RAB11FIP5: variants seen among roughly 807,000 people sequenced by gnomAD.
RAB11FIP5 encodes the protein RAB11 family interacting protein 5.
A neutral mutation model predicts 85.1 loss-of-function variants in RAB11FIP5; 48 were observed. The ratio of observed to expected loss-of-function variants is 0.56; its 90% CI spans 0.45 to 0.72. RAB11FIP5 has a LOEUF of 0.72. RAB11FIP5 is among the 30% of genes least tolerant of loss of function. The pLI is 0.00. For missense variants in RAB11FIP5, 1,491 were observed against 1,687.0 expected, an observed-to-expected ratio of 0.88 and a Z score of 2.04; for synonymous variants, 729 against 727.3, an observed-to-expected ratio of 1.00 and a Z score of -0.04.
Position 73,081,449 on chromosome 2 carries a change from G to C in RAB11FIP5, c.1783C>G (p.Leu595Val). The C allele has an allele frequency of 2.4e-6, 3 of 1,233,404 alleles. No individual in the cohort carries two copies. The highest frequency in any genetic ancestry group is 3.0e-6 in the Non-Finnish European group (3 of 988,670). 76.4% of individuals were successfully genotyped at this position (1,233,404 alleles called of 1,614,324 possible). The change falls in exon 4 of 6, where the codon CTT (leucine) becomes GTT (valine). Residue 595 changes from leucine (L) to valine (V), a missense_variant. Leu to Val is a conservative substitution (Grantham distance 32). Transcript: ENST00000486777. The surrounding 1 kb of genome is among the most constrained non-coding windows in gnomAD (Gnocchi z 4.2). The part of the protein sequence containing the change: ...PEATPPGLLG[L>V]TNPFLTSLQS... Reference sequence around the variant, plus strand: ...AAAGAGGTGAGGAACGGGTTGGTAAGACCCAATAATCCAGGTGGGGTGGCT... The same window carrying C: ...AAAGAGGTGAGGAACGGGTTGGTAACACCCAATAATCCAGGTGGGGTGGCT...
chr2:73,087,702 G>A (rs1684115960), intron 3 of RAB11FIP5, among the ~76,000 whole-genome samples: 2 of 152,208 alleles, frequency 1.3e-5, no homozygotes, highest in Admixed American at 6.5e-5. Context: ...GAGGCCAGAG[G>A]GCAAGAGGTG....
Position 73,081,455 on chromosome 2 carries a change from A to G in RAB11FIP5, c.1777T>C (p.Leu593=). Residue 593 remains leucine (L), a synonymous_variant, in exon 4 of 6, where the codon TTG becomes CTG. Coordinates refer to ENST00000486777, the MANE Select transcript of RAB11FIP5 (RefSeq NM_001371272.1). This position sits in a 1 kb window ranked among gnomAD's most constrained non-coding sequence, Gnocchi z 4.2. ...GTGAGGAACGGGTTGGTAAGACCCA[A>G]TAATCCAGGTGGGGTGGCTTCAGGG... The part of the protein sequence containing the change: ...AAPEATPPGL[L]GLTNPFLTSL... 8.1e-7 allele frequency: 1 copy of G among 1,233,722 alleles called. No homozygotes were observed. Among genetic ancestry groups the G allele is most frequent in the Non-Finnish European group, 1.0e-6 (1 of 988,928 alleles). 76.4% of individuals were successfully genotyped at this position (1,233,722 alleles called of 1,614,324 possible).
chr2:73,111,708 T>C (rs1022972074), intron 1 of RAB11FIP5, among the ~76,000 whole-genome samples: 1 of 152,138 alleles, frequency 6.6e-6, no homozygotes, highest in Non-Finnish European at 1.5e-5. Flanking sequence ...AAGTGTTTCC[T>C]TCCTTAACTT....
At chr2:73,098,293 T>C (rs562120126) in intron 1 of RAB11FIP5, among the ~76,000 whole-genome samples, 1 of 152,306 alleles carries the variant, frequency 6.6e-6, no homozygotes, top group Admixed American at 6.5e-5. Context: ...TCAAAAGAAA[T>C]GGTCACTGGA....
At chr2:73,111,040 T>C (rs1467682231) in intron 1 of RAB11FIP5, among the ~76,000 whole-genome samples, 1 of 151,646 alleles carries the variant, frequency 6.6e-6, no homozygotes, top group Non-Finnish European at 1.5e-5. Flanking sequence ...CCAAGCTATA[T>C]ACCACATGAT....
intron 1 of RAB11FIP5, among the ~76,000 whole-genome samples, chr2:73,107,515 G>C (rs1389424860): frequency 1.3e-5 from 2 of 152,132 alleles, no homozygotes; most frequent in African/African-American, 4.8e-5. Context: ...CTGACCACAG[G>C]CCCCTTGAAA....
chr2:73,097,092 G>A (rs547660729), intron 1 of RAB11FIP5, among the ~76,000 whole-genome samples: 17 of 152,074 alleles, frequency 1.1e-4, no homozygotes, highest in Admixed American at 9.2e-4. Flanking sequence ...AGGCTGGAGC[G>A]CAATGGCTCG....
chr2:73,095,390 T>G (rs188430484), intron 1 of RAB11FIP5, among the ~76,000 whole-genome samples: 11 of 152,276 alleles, frequency 7.2e-5, no homozygotes, highest in Admixed American at 6.5e-4. Context: ...AAAAAATCAC[T>G]GGATCTTGTT....
intron 1 of RAB11FIP5, among the ~76,000 whole-genome samples, chr2:73,101,358 T>C (rs1457956855): frequency 6.6e-6 from 1 of 152,134 alleles, no homozygotes; most frequent in Non-Finnish European, 1.5e-5. Context: ...CAGGTGCCTA[T>C]TTGGATCCTA....
In RAB11FIP5 at chr2:73,080,697, C is replaced by T. The variant is rs531318709; in HGVS notation, c.2535G>A (p.Glu845=). ...CTCCCCGAAAGACTAGTGAGGCTGTCTCAGCTGCAGGAGAAATGGTGACCA... is the reference window on the plus strand; with the variant it reads ...CTCCCCGAAAGACTAGTGAGGCTGTTTCAGCTGCAGGAGAAATGGTGACCA... ...WDVVTISPAA[E]TASLVFRGES... The change falls in exon 4 of 6, where the codon GAG becomes GAA. Residue 845 remains glutamate, a synonymous_variant. Coordinates refer to ENST00000486777, the MANE Select transcript of RAB11FIP5 (RefSeq NM_001371272.1). The T allele has an allele frequency of 5.7e-6, 7 of 1,232,566 alleles. No homozygotes were observed. The Admixed American group carries it at 2.1e-4, about 37-fold the overall frequency. The allele number at this position is 1,232,566 out of a possible 1,614,324, so 76.4% of individuals were successfully genotyped here. A position where few individuals can be genotyped will look rare whatever the true frequency, so the allele number is the denominator to read the frequency against.
At chr2:73,107,174 T>C (rs1370891491) in intron 1 of RAB11FIP5, among the ~76,000 whole-genome samples, 2 of 152,168 alleles carry the variant, frequency 1.3e-5, no homozygotes, top group African/African-American at 2.4e-5. Context: ...TACTTGGCTG[T>C]GGGGAAGAAC....
At chr2:73,099,029 TTTTG>T (rs1204173342) in intron 1 of RAB11FIP5, among the ~76,000 whole-genome samples, 2 of 150,706 alleles carry the variant, frequency 1.3e-5, no homozygotes, top group Non-Finnish European at 1.5e-5. Context: ...GTAAATGCTT[TTTTG>T]TTTTTTTTTT....
At chr2:73,090,811 G>A (rs779980801) in intron 1 of RAB11FIP5, among the ~76,000 whole-genome samples, 4 of 152,228 alleles carry the variant, frequency 2.6e-5, no homozygotes, top group African/African-American at 7.2e-5. Flanking sequence ...GCATGCTACC[G>A]TAATGGTGGA....
At position 73,075,610 on chromosome 2, in the gene RAB11FIP5, C is replaced by T; in HGVS notation, c.3886G>A (p.Glu1296Lys). Residue 1296 changes from glutamate (E) to lysine (K), a missense_variant, in exon 6 of 6, where the codon GAG (glutamate) becomes AAG (lysine). By Grantham distance (56) the Glu-to-Lys change is moderately conservative. Coordinates refer to ENST00000486777, the MANE Select transcript of RAB11FIP5 (RefSeq NM_001371272.1). This position sits in a 1 kb window ranked among gnomAD's most constrained non-coding sequence, Gnocchi z 4.6. The part of the protein sequence containing the change: ...ELSQRDEHVQ[E>K]LESYIDRLLV... ...AGCCGGTCGATGTAGCTCTCCAGCT[C>T]CTGCACATGCTCGTCCCGCTGGCTC... 1 of 1,614,176 alleles carries T rather than the reference C, an allele frequency of 6.2e-7. No homozygotes were observed. Among genetic ancestry groups the T allele is most frequent in the Non-Finnish European group, 8.5e-7 (1 of 1,180,014 alleles).
At chr2:73,096,995 T>C (rs1334966231) in intron 1 of RAB11FIP5, among the ~76,000 whole-genome samples, 1 of 152,182 alleles carries the variant, frequency 6.6e-6, no homozygotes, top group Non-Finnish European at 1.5e-5. Flanking sequence ...GCCTCCTCAG[T>C]CTTCCCTGAG....
Position 73,081,124 on chromosome 2 carries a change from CCT to C in RAB11FIP5, c.2106_2107del (p.Gly703ArgfsTer36). ...TCCTCCTCCTCCTCCTCCTCCTCCT[CCT>C]CCCCCAGGCTCTCCCTGGGGCTCAG... On this transcript the variant is annotated frameshift_variant, in exon 4 of 6. Coordinates refer to ENST00000486777, the MANE Select transcript of RAB11FIP5 (RefSeq NM_001371272.1). LOFTEE classifies it high-confidence loss of function. This position sits in a 1 kb window ranked among gnomAD's most constrained non-coding sequence, Gnocchi z 4.2. The C allele has an allele frequency of 7.3e-6, 9 of 1,234,316 alleles. No homozygotes were observed. The highest frequency in any genetic ancestry group is 9.1e-6 in the Non-Finnish European group (9 of 989,676). The allele number at this position is 1,234,316 out of a possible 1,614,324, so 76.5% of individuals were successfully genotyped here.
At chr2:73,096,794 C>G (rs1201362620) in intron 1 of RAB11FIP5, among the ~76,000 whole-genome samples, 1 of 152,178 alleles carries the variant, frequency 6.6e-6, no homozygotes, top group Non-Finnish European at 1.5e-5. Context: ...CACTCAGCAC[C>G]TTTTGGGGCT....
At chr2:73,097,533 C>A (rs896547010) in intron 1 of RAB11FIP5, among the ~76,000 whole-genome samples, 1 of 152,234 alleles carries the variant, frequency 6.6e-6, no homozygotes, top group African/African-American at 2.4e-5. Context: ...AGTGGACACT[C>A]AAATATTTGC....
chr2:73,088,842 C>T lies in RAB11FIP5; in HGVS notation c.868+37G>A, dbSNP rs761164009. The T allele has an allele frequency of 3.9e-6, 6 of 1,536,468 alleles. No homozygotes were observed. In the Admixed American group the frequency reaches 1.2e-4, roughly 31 times the overall value. Reference sequence around the variant, plus strand: ...TCACCACCCAAGGGGAGAGCCAGTGCCCCCCTCCCCAGGGCGGCGGCCCTG... The same window carrying T: ...TCACCACCCAAGGGGAGAGCCAGTGTCCCCCTCCCCAGGGCGGCGGCCCTG... On this transcript the variant is annotated intron_variant, in intron 2 of 5. Coordinates refer to ENST00000486777, the MANE Select transcript of RAB11FIP5 (RefSeq NM_001371272.1).
Sources: gnomAD v4.1 joint callset for allele counts (sites outside exome capture counted in the v4.1 genomes callset) on GRCh38, gnomAD v4.1.1 for gene constraint, Gnocchi (gnomAD v3.1) non-coding constraint, MANE v1.5 for transcripts, NCBI Gene and HGNC (gene_info 2026-07-23, HGNC 2026-07-21) for gene names.